The following NTNG1 variants were observed in gnomAD, a reference collection of about 807,000 sequenced individuals.
NTNG1 encodes netrin-G1.
In NTNG1, 16 loss-of-function variants were observed where a neutral mutation model predicts 54.0. That is an observed-to-expected ratio of 0.30 (90% confidence interval 0.20 to 0.45). NTNG1 has a LOEUF of 0.45. NTNG1 is among the 20% of genes least tolerant of loss of function. NTNG1 has a pLI of 1.00. For synonymous variants in NTNG1, 255 were observed against 263.1 expected (o/e 0.97, Z 0.30); for missense variants, 530 against 678.7 (o/e 0.78, Z 2.43).
At chr1:107,329,564 C>T (rs1354877049) in intron 3 of NTNG1, among the ~76,000 whole-genome samples, 1 of 152,122 alleles carries the variant, frequency 6.6e-6, no homozygotes, top group Non-Finnish European at 1.5e-5. Context: ...TCTGAAGGTT[C>T]CCTAAGTCTT....
At chr1:107,317,091 C>T (rs139205581) in intron 2 of NTNG1, among the ~76,000 whole-genome samples, 3 of 152,288 alleles carry the variant, frequency 2.0e-5, no homozygotes, top group African/African-American at 7.2e-5. Flanking sequence ...GACTTGCATA[C>T]TCATGCGGAG....
chr1:107,169,584 C>G (rs1450059458), intron 2 of NTNG1, among the ~76,000 whole-genome samples: 1 of 152,112 alleles, frequency 6.6e-6, no homozygotes, highest in African/African-American at 2.4e-5. Flanking sequence ...GTTACCCCTT[C>G]TGGAAATCCT....
At chr1:107,477,118 A>C (rs1678380389) in intron 7 of NTNG1, among the ~76,000 whole-genome samples, 1 of 152,170 alleles carries the variant, frequency 6.6e-6, no homozygotes, top group Admixed American at 6.5e-5. Context: ...AAGTTTGGAT[A>C]AAAGGGACCC....
chr1:107,190,578 C>T (rs1451258061), intron 2 of NTNG1, among the ~76,000 whole-genome samples: 2 of 152,036 alleles, frequency 1.3e-5, no homozygotes, highest in Admixed American at 1.3e-4. Flanking sequence ...CCTCTCCACT[C>T]CCCCCACCCC....
chr1:107,314,875 C>T (rs948874829), intron 2 of NTNG1, among the ~76,000 whole-genome samples: 12 of 152,156 alleles, frequency 7.9e-5, no homozygotes, highest in Non-Finnish European at 1.6e-4. Flanking sequence ...ACTTCGATTG[C>T]GTTATCTGTA....
intron 2 of NTNG1, among the ~76,000 whole-genome samples, chr1:107,272,333 A>T (rs1421261180): frequency 6.6e-6 from 1 of 152,124 alleles, no homozygotes; most frequent in Admixed American, 6.5e-5. Flanking sequence ...GGGAACACAG[A>T]TAATCATCAT....
chr1:107,451,046 T>C (rs1424271442), intron 7 of NTNG1, among the ~76,000 whole-genome samples: 1 of 152,042 alleles, frequency 6.6e-6, no homozygotes, highest in African/African-American at 2.4e-5. Context: ...CTTAGGGGTT[T>C]GTATGTCTGA....
chr1:107,331,700 T>C (rs1334128573), intron 3 of NTNG1, among the ~76,000 whole-genome samples: 2 of 152,158 alleles, frequency 1.3e-5, no homozygotes, highest in African/African-American at 4.8e-5. Context: ...TACCTTCGCT[T>C]ATTTTAAGCA....
intron 2 of NTNG1, among the ~76,000 whole-genome samples, chr1:107,165,183 G>A (rs1436229124): frequency 2.0e-5 from 3 of 152,136 alleles, no homozygotes; most frequent in African/African-American, 7.2e-5. Flanking sequence ...ATTAGAACTA[G>A]CGGGAAAGCT....
At chr1:107,185,320 G>C (rs1657371103) in intron 2 of NTNG1, among the ~76,000 whole-genome samples, 1 of 152,178 alleles carries the variant, frequency 6.6e-6, no homozygotes, top group Non-Finnish European at 1.5e-5. Flanking sequence ...CTCTGGGGAA[G>C]AATCCTTTGT....
Position 107,483,409 on chromosome 1 carries a change from A to G in NTNG1, c.*2569A>G, listed in dbSNP as rs1678845332. 1 of 152,218 alleles carries G rather than the reference A, an allele frequency of 6.6e-6. No individual in the cohort carries two copies. Among genetic ancestry groups the G allele is most frequent in the Non-Finnish European group, 1.5e-5 (1 of 68,046 alleles). The allele number at this position is 152,218 out of a possible 1,614,324, so 9.4% of individuals were successfully genotyped here. ...CCGTGTATTTAGATATAGTTTTCTG[A>G]ATTTCCTGAAGCGATGTGATCTGCT... On this transcript the variant is annotated 3_prime_UTR_variant, in exon 8 of 8. Transcript: ENST00000370068.
intron 7 of NTNG1, among the ~76,000 whole-genome samples, chr1:107,477,943 C>G (rs1678436592): frequency 6.6e-6 from 1 of 152,108 alleles, no homozygotes; most frequent in African/African-American, 2.4e-5. Flanking sequence ...ATCATCCCAG[C>G]CAGATTTAAA....
At chr1:107,397,810 T>C (rs1672775236) in intron 4 of NTNG1, among the ~76,000 whole-genome samples, 1 of 152,004 alleles carries the variant, frequency 6.6e-6, no homozygotes, top group South Asian at 2.1e-4. Flanking sequence ...TTAACCATTA[T>C]CGACTCCAAT....
At chr1:107,150,406 T>G (rs1376675399) in intron 2 of NTNG1, among the ~76,000 whole-genome samples, 1 of 152,158 alleles carries the variant, frequency 6.6e-6, no homozygotes, top group East Asian at 1.9e-4. Context: ...ATTACAAATC[T>G]GGGTTGAAAT....
At chr1:107,193,704 G>A (rs760143553) in intron 2 of NTNG1, among the ~76,000 whole-genome samples, 9 of 151,886 alleles carry the variant, frequency 5.9e-5, no homozygotes, top group Non-Finnish European at 8.8e-5. Context: ...TAATGCCACC[G>A]TCTTAGTTCA....
At chr1:107,376,274 G>A (rs918826692) in intron 3 of NTNG1, among the ~76,000 whole-genome samples, 15 of 152,250 alleles carry the variant, frequency 9.9e-5, no homozygotes, top group South Asian at 2.1e-4. Flanking sequence ...TGGGCGCGGT[G>A]GCGGGCGCCT....
intron 2 of NTNG1, among the ~76,000 whole-genome samples, chr1:107,215,548 T>C (rs1236967601): frequency 6.6e-6 from 1 of 152,234 alleles, no homozygotes; most frequent in Non-Finnish European, 1.5e-5. Context: ...TATAGCATAG[T>C]TTGAAGTCAG....
At chr1:107,241,942 T>C (rs1661859770) in intron 2 of NTNG1, among the ~76,000 whole-genome samples, 1 of 152,136 alleles carries the variant, frequency 6.6e-6, no homozygotes. Flanking sequence ...TAGTTAAAGT[T>C]TTGATTATGA....
chr1:107,267,537 A>G (rs17018674), intron 2 of NTNG1, among the ~76,000 whole-genome samples: 7,541 of 152,204 alleles, frequency 0.05, 619 homozygotes, highest in African/African-American at 0.17. Context: ...ACCAACGTCT[A>G]TCAATTCTAA....
Sources: allele counts gnomAD v4.1 joint callset (sites outside exome capture counted in the v4.1 genomes callset), GRCh38; gene constraint gnomAD v4.1.1; transcripts MANE v1.5; gene names NCBI Gene and HGNC (gene_info 2026-07-23, HGNC 2026-07-21).